Variants in VPS13B observed in about 807,000 individuals in gnomAD.
VPS13B encodes the protein intermembrane lipid transfer protein VPS13B.
Under a neutral mutation model 426.4 loss-of-function variants are expected in VPS13B, and 285 were observed. The observed-to-expected ratio is 0.67, with a 90% CI of 0.61 to 0.74. VPS13B has a LOEUF of 0.74. Among genes scored for constraint, VPS13B ranks in the 30% least tolerant of loss-of-function variants. The pLI, the probability that VPS13B is intolerant of heterozygous loss-of-function variation, is 0.00. For synonymous variants in VPS13B, 1,676 were observed against 1,676.4 expected (o/e 1.00, Z 0.01); for missense variants, 4,537 against 4,782.6 (o/e 0.95, Z 1.51).
chr8:99,782,574 G>A (rs1177591648), intron 42 of VPS13B, among the ~76,000 whole-genome samples: 2 of 151,738 alleles, frequency 1.3e-5, no homozygotes, highest in African/African-American at 4.8e-5. Context: ...AGCAAGAAAT[G>A]GAGAAAAAGA....
chr8:99,820,499 A>G (rs953736603), intron 49 of VPS13B, among the ~76,000 whole-genome samples: 3 of 152,154 alleles, frequency 2.0e-5, no homozygotes, highest in African/African-American at 2.4e-5. Context: ...ATTCTCTGCA[A>G]TCTGCAAGAT....
At chr8:99,063,216 G>C (rs917076855) in intron 3 of VPS13B, among the ~76,000 whole-genome samples, 2 of 152,108 alleles carry the variant, frequency 1.3e-5, no homozygotes, top group African/African-American at 4.8e-5. Flanking sequence ...CATTGGGACT[G>C]GTTGGACAGT....
chr8:99,256,213 A>G lies in VPS13B; in HGVS notation c.2516-17985A>G, dbSNP rs1817736175. On this transcript the variant is annotated intron_variant, in intron 17 of 61. Transcript: ENST00000357162. ...AAAACCCGTGATCCTTACTACCATG[A>G]CATTTGCTGGGTCTACATGTCCCTT... Among the ~76,000 whole-genome samples, 3 of 152,108 alleles carry G rather than the reference A, an allele frequency of 2.0e-5. 1 individual carries two copies. In the South Asian group the frequency reaches 6.2e-4, roughly 32 times the overall value.
chr8:99,854,975 G>GA (rs1816474104), intron 56 of VPS13B, among the ~76,000 whole-genome samples: 1 of 152,182 alleles, frequency 6.6e-6, no homozygotes. Context: ...GTTTCTCAGG[G>GA]ACTCAGTGGG....
chr8:99,841,614 G>A (rs1392319417), intron 54 of VPS13B, among the ~76,000 whole-genome samples: 1 of 152,116 alleles, frequency 6.6e-6, no homozygotes, highest in Non-Finnish European at 1.5e-5. Flanking sequence ...CAGGATAAAT[G>A]GTCCTGGGAT....
intron 19 of VPS13B, among the ~76,000 whole-genome samples, chr8:99,371,900 A>C (rs1260738166): frequency 6.6e-6 from 1 of 152,206 alleles, no homozygotes. Context: ...TGTAAAACCC[A>C]AAATCATAAA....
chr8:99,418,529 TC>T (rs1588353591), intron 21 of VPS13B, among the ~76,000 whole-genome samples: 4 of 129,328 alleles, frequency 3.1e-5, no homozygotes, highest in Admixed American at 8.9e-5. Context: ...TCTTTCTTTC[TC>T]TTTCTTTTCT....
At chr8:99,476,969 T>C (rs1819727153) in intron 24 of VPS13B, among the ~76,000 whole-genome samples, 1 of 152,152 alleles carries the variant, frequency 6.6e-6, no homozygotes, top group African/African-American at 2.4e-5. Context: ...TTTTTTCACA[T>C]GTTTATTTTC....
In VPS13B at chr8:99,099,487, T is replaced by G. The variant is rs139217788; in HGVS notation, c.412+3055T>G. Among the ~76,000 whole-genome samples, 966 of 152,304 alleles carry G rather than the reference T, an allele frequency of 6.3e-3. 8 individuals carry two copies. The highest frequency in any genetic ancestry group is 0.022 in the African/African-American group (907 of 41,558). The stretch of plus-strand genomic sequence containing the variant: ...GATGGTGTCTCTTTGTAACCAAAAT[T>G]TTTTGATACATGCCATTTAAGACTA... On this transcript the variant is annotated intron_variant, in intron 4 of 61. Transcript: ENST00000357162.
intron 39 of VPS13B, among the ~76,000 whole-genome samples, chr8:99,755,721 A>G (rs1474213994): frequency 6.6e-6 from 1 of 152,178 alleles, no homozygotes; most frequent in Non-Finnish European, 1.5e-5. Flanking sequence ...GTGAGCCAAG[A>G]TCGTGCCACT....
chr8:99,505,839 G>C (rs897334548), intron 27 of VPS13B, among the ~76,000 whole-genome samples: 6 of 151,864 alleles, frequency 4.0e-5, no homozygotes, highest in African/African-American at 1.5e-4. Context: ...ATAAAACCGA[G>C]GTATGCCTGT....
intron 37 of VPS13B, among the ~76,000 whole-genome samples, chr8:99,719,330 C>T (rs966460382): frequency 3.3e-5 from 5 of 152,186 alleles, no homozygotes; most frequent in African/African-American, 1.2e-4. Context: ...AAGGCTAGAG[C>T]ACAACATTCT....
chr8:99,023,554 C>T (rs1842002291), intron 2 of VPS13B, among the ~76,000 whole-genome samples: 1 of 151,356 alleles, frequency 6.6e-6, no homozygotes, highest in African/African-American at 2.4e-5. Flanking sequence ...AATCTTGGCT[C>T]ACTGCAACCT....
At position 99,182,146 on chromosome 8, in the gene VPS13B, A is replaced by G. The variant is rs553482707; in HGVS notation, c.2334-10730A>G. Among the ~76,000 whole-genome samples the G allele has an allele frequency of 1.3e-5, 2 of 152,328 alleles. 1 individual carries two copies. The highest frequency in any genetic ancestry group is 4.1e-4 in the South Asian group (2 of 4,822). ...CTGGAGATTAAATAAATTGTGGTAT[A>G]TTTAAACAACAAATACCACTCATCA... On this transcript the variant is annotated intron_variant, in intron 16 of 61. Transcript: ENST00000357162.
At chr8:99,745,553 G>A (rs1810038114) in intron 39 of VPS13B, among the ~76,000 whole-genome samples, 1 of 151,966 alleles carries the variant, frequency 6.6e-6, no homozygotes, top group South Asian at 2.1e-4. Flanking sequence ...TTTATCATAG[G>A]TATGCATGTA....
intron 34 of VPS13B, among the ~76,000 whole-genome samples, chr8:99,645,856 A>G (rs998002832): frequency 3.9e-5 from 6 of 152,226 alleles, no homozygotes; most frequent in Admixed American, 3.3e-4. Flanking sequence ...GGCTATCCAG[A>G]AACACTTTAT....
chr8:99,234,963 A>G (rs376742164), intron 17 of VPS13B, among the ~76,000 whole-genome samples: 1 of 152,236 alleles, frequency 6.6e-6, no homozygotes, highest in African/African-American at 2.4e-5. Context: ...TATGAAGAGT[A>G]TGAAAAGAAG....
intron 43 of VPS13B, among the ~76,000 whole-genome samples, chr8:99,788,161 C>A (rs1451147209): frequency 6.6e-6 from 1 of 151,026 alleles, no homozygotes; most frequent in South Asian, 2.1e-4. Context: ...CTTCTCAAGA[C>A]CAGCCTGGGC....
intron 42 of VPS13B, among the ~76,000 whole-genome samples, chr8:99,779,752 T>C (rs1381954417): frequency 6.6e-6 from 1 of 152,222 alleles, no homozygotes; most frequent in Non-Finnish European, 1.5e-5. Flanking sequence ...ATATGTTCAA[T>C]GATTTAAGAA....
Sources: allele counts gnomAD v4.1 joint callset (sites outside exome capture counted in the v4.1 genomes callset), GRCh38; gene constraint gnomAD v4.1.1; transcripts MANE v1.5; gene names NCBI Gene and HGNC (gene_info 2026-07-23, HGNC 2026-07-21).